The following BRINP3 variants were observed in gnomAD, a reference collection of about 807,000 sequenced individuals.
The protein encoded by BRINP3 is BMP/retinoic acid inducible neural specific 3, also known as BMP/retinoic acid-inducible neural-specific protein 3.
Under a neutral mutation model 71.0 loss-of-function variants are expected in BRINP3, and 19 were observed. The observed-to-expected ratio is 0.27, with a 90% CI of 0.19 to 0.39. The LOEUF is 0.39. Among genes scored for constraint, BRINP3 ranks in the 10% least tolerant of loss-of-function variants. The pLI is 1.00. For missense variants in BRINP3, 959 were observed against 940.8 expected (o/e 1.02, Z -0.25); for synonymous variants, 380 against 337.7 (o/e 1.13, Z -1.37).
At chr1:190,437,498 A>T (rs1246711186) in intron 2 of BRINP3, among the ~76,000 whole-genome samples, 2 of 151,772 alleles carry the variant, frequency 1.3e-5, no homozygotes, top group African/African-American at 4.8e-5. Flanking sequence ...TACATTGCCC[A>T]CATTAATAAA....
At chr1:190,286,877 T>A (rs1257865782) in intron 2 of BRINP3, among the ~76,000 whole-genome samples, 1 of 151,978 alleles carries the variant, frequency 6.6e-6, no homozygotes, top group Non-Finnish European at 1.5e-5. Context: ...CAATATTGGC[T>A]CCCCATAATT....
intron 2 of BRINP3, among the ~76,000 whole-genome samples, chr1:190,307,157 A>C (rs1665161297): frequency 6.6e-6 from 1 of 151,738 alleles, no homozygotes; most frequent in Admixed American, 6.6e-5. Context: ...AAAGAGTAAT[A>C]ATTAGGAATG....
chr1:190,213,934 T>A (rs951799609), intron 6 of BRINP3, among the ~76,000 whole-genome samples: 7 of 152,028 alleles, frequency 4.6e-5, no homozygotes, highest in Admixed American at 3.9e-4. Flanking sequence ...AAATGACGTG[T>A]GAGTCCCAGT....
chr1:190,267,843 A>T (rs1376478070), intron 3 of BRINP3, among the ~76,000 whole-genome samples: 1 of 152,118 alleles, frequency 6.6e-6, no homozygotes, highest in African/African-American at 2.4e-5. Flanking sequence ...CCAAAAAATT[A>T]ACATACCCAA....
At chr1:190,246,212 T>C (rs1659595241) in intron 4 of BRINP3, among the ~76,000 whole-genome samples, 1 of 152,056 alleles carries the variant, frequency 6.6e-6, no homozygotes, top group African/African-American at 2.4e-5. Flanking sequence ...GTGTTCCTCT[T>C]CTTTCTATAA....
At chr1:190,294,518 C>T (rs1405376942) in intron 2 of BRINP3, among the ~76,000 whole-genome samples, 1 of 152,056 alleles carries the variant, frequency 6.6e-6, no homozygotes, top group Non-Finnish European at 1.5e-5. Flanking sequence ...TCTCAAAGAG[C>T]TTGGATTATA....
intron 3 of BRINP3, among the ~76,000 whole-genome samples, chr1:190,278,735 T>G (rs529117633): frequency 6.6e-6 from 1 of 151,762 alleles, no homozygotes; most frequent in East Asian, 1.9e-4. Context: ...TCTTTCCCCC[T>G]TTAAGGCAAT....
At chr1:190,301,232 T>TACACAC (rs1558160817) in intron 2 of BRINP3, among the ~76,000 whole-genome samples, 1 of 134,024 alleles carries the variant, frequency 7.5e-6, no homozygotes, top group African/African-American at 3.0e-5. Flanking sequence ...TATATATATA[T>TACACAC]ATACACACAT....
rs544021521 is a variant in BRINP3, at chr1:190,288,390, T to C, written c.237-6640A>G. ...AATTCATTATCTTCATTAATAGATA[T>C]AAATATTTGCATTTGTGAATATATT... On this transcript the variant is annotated intron_variant, in intron 2 of 7. Coordinates refer to ENST00000367462, the MANE Select transcript of BRINP3 (RefSeq NM_199051.3). 5.6e-4 allele frequency among the ~76,000 whole-genome samples: 85 copies of C among 152,130 alleles called. 3 individuals are homozygous for C. The East Asian group carries it at 0.015, about 26-fold the overall frequency.
intron 2 of BRINP3, among the ~76,000 whole-genome samples, chr1:190,330,822 C>A (rs1666915531): frequency 6.6e-6 from 1 of 151,928 alleles, no homozygotes; most frequent in African/African-American, 2.4e-5. Context: ...AAATTATGTC[C>A]TTTGCAGCAA....
intron 2 of BRINP3, among the ~76,000 whole-genome samples, chr1:190,385,761 GGTATAAA>G (rs1429045379): frequency 6.6e-6 from 1 of 151,712 alleles, no homozygotes; most frequent in Non-Finnish European, 1.5e-5. Context: ...AAATCATGCT[GGTATAAA>G]GACACATGCA....
intron 2 of BRINP3, among the ~76,000 whole-genome samples, chr1:190,427,634 G>A (rs1401531135): frequency 2.0e-5 from 3 of 151,852 alleles, no homozygotes; most frequent in African/African-American, 7.3e-5. Context: ...TGAGGGTTTG[G>A]GTAGCAAAGA....
chr1:190,342,290 G>T (rs1391401290), intron 2 of BRINP3: 1 of 147,804 alleles, frequency 6.8e-6, no homozygotes, highest in Admixed American at 6.9e-5. Context: ...AAGTAACCTA[G>T]CATATTCACA....
At chr1:190,236,238 T>A (rs538124586) in intron 4 of BRINP3, among the ~76,000 whole-genome samples, 2 of 152,122 alleles carry the variant, frequency 1.3e-5, no homozygotes, top group East Asian at 3.9e-4. Flanking sequence ...CACTGAGGTT[T>A]CCAGTATTAG....
rs541218228 is a variant in BRINP3 at position 190,352,230 on chromosome 1, G to A, written c.237-70480C>T. Among the ~76,000 whole-genome samples, 7 of 152,104 alleles carry A rather than the reference G, an allele frequency of 4.6e-5. 1 individual carries two copies. The highest frequency in any genetic ancestry group is 1.4e-4 in the African/African-American group (6 of 41,534). ...TGGTTCATCTATCATTTTGACTACT[G>A]AAAATTTGTTTTAGACCAAAAATAT... On this transcript the variant is annotated intron_variant, in intron 2 of 7. Transcript: ENST00000367462.
At chr1:190,346,360 A>C (rs1668021083) in intron 2 of BRINP3, among the ~76,000 whole-genome samples, 1 of 152,086 alleles carries the variant, frequency 6.6e-6, no homozygotes, top group African/African-American at 2.4e-5. Flanking sequence ...ACTGAAGGCA[A>C]GTGCTTTGTT....
chr1:190,320,392 C>T (rs1043228975), intron 2 of BRINP3, among the ~76,000 whole-genome samples: 5 of 152,078 alleles, frequency 3.3e-5, no homozygotes, highest in Non-Finnish European at 7.4e-5. Flanking sequence ...ACCCTCCTAC[C>T]ACTACACAGT....
chr1:190,287,055 C>T (rs1181625633), intron 2 of BRINP3, among the ~76,000 whole-genome samples: 5 of 143,738 alleles, frequency 3.5e-5, no homozygotes, highest in Non-Finnish European at 7.5e-5. Context: ...CCTGTCTCTA[C>T]TAAAAAAAAA....
intron 2 of BRINP3, among the ~76,000 whole-genome samples, chr1:190,421,788 T>C (rs1439314864): frequency 6.6e-6 from 1 of 151,860 alleles, no homozygotes; most frequent in Admixed American, 6.6e-5. Flanking sequence ...GCTATAGTTT[T>C]TGAGAAAATC....
Sources: allele counts gnomAD v4.1 joint callset (sites outside exome capture counted in the v4.1 genomes callset), GRCh38; gene constraint gnomAD v4.1.1; transcripts MANE v1.5; gene names NCBI Gene and HGNC (gene_info 2026-07-23, HGNC 2026-07-21).